Variants in ATP9B observed in about 807,000 individuals in gnomAD.
ATP9B encodes probable phospholipid-transporting ATPase IIB.
Under a neutral mutation model 146.1 loss-of-function variants are expected in ATP9B, and 110 were observed. The ratio of observed to expected loss-of-function variants is 0.75; its 90% CI spans 0.65 to 0.88. The LOEUF is 0.88. Ranked by LOEUF, ATP9B falls within the 40% of genes least tolerant of loss-of-function variation. The pLI is 0.00. For synonymous variants in ATP9B, 604 were observed against 569.7 expected (o/e 1.06, Z -0.86); for missense variants, 1,499 against 1,496.4 (o/e 1.00, Z -0.03).
At chr18:79,226,035 C>T (rs2095730610) in intron 11 of ATP9B, among the ~76,000 whole-genome samples, 1 of 152,226 alleles carries the variant, frequency 6.6e-6, no homozygotes, top group Admixed American at 6.5e-5. Flanking sequence ...CTCTCAGGCC[C>T]TTCAGCTTCC....
In ATP9B at chr18:79,373,974, A is replaced by G. The variant is rs1017658283; in HGVS notation, c.3147A>G (p.Ala1049=). The G allele has an allele frequency of 1.2e-6, 2 of 1,613,774 alleles. No individual in the cohort carries two copies. The highest frequency in any genetic ancestry group is 2.7e-5 in the African/African-American group (2 of 74,826). ...FVHVVAISFT[A]LILTELLMVA... Reference sequence around the variant, plus strand: ...ACGTGGTGGCCATCTCCTTCACCGCACTGATCCTGACCGAGCTGCTGATGG... The same window carrying G: ...ACGTGGTGGCCATCTCCTTCACCGCGCTGATCCTGACCGAGCTGCTGATGG... The change falls in exon 28 of 30, where the codon GCA becomes GCG. Residue 1049 remains alanine (A), a synonymous_variant. Coordinates refer to ENST00000426216, the MANE Select transcript of ATP9B (RefSeq NM_198531.5).
intron 9 of ATP9B, among the ~76,000 whole-genome samples, chr18:79,200,779 A>AGGCGGAGGTGGGAACTGTTGGGGTCAG (rs2095475928): frequency 3.5e-5 from 1 of 28,516 alleles, no homozygotes; most frequent in Non-Finnish European, 8.9e-5. Flanking sequence ...GTCAGAGCAG[A>AGGCGGAGGTGGGAACTGTTGGGGTCAG]AGTAGTGGTG....
At chr18:79,089,423 C>T (rs978639422) in intron 1 of ATP9B, among the ~76,000 whole-genome samples, 2 of 152,140 alleles carry the variant, frequency 1.3e-5, no homozygotes, top group Admixed American at 1.3e-4. Flanking sequence ...GTGTCCTGCT[C>T]CCCTTGGCCC....
chr18:79,230,453 C>T (rs994737285), intron 11 of ATP9B, among the ~76,000 whole-genome samples: 1 of 152,134 alleles, frequency 6.6e-6, no homozygotes, highest in African/African-American at 2.4e-5. Context: ...ATCACAAACT[C>T]AACCCCTTTT....
intron 11 of ATP9B, among the ~76,000 whole-genome samples, chr18:79,232,809 A>C (rs2095804541): frequency 6.6e-6 from 1 of 152,224 alleles, no homozygotes; most frequent in Non-Finnish European, 1.5e-5. Context: ...CAATGCGAGA[A>C]ACCAAAATGA....
intron 2 of ATP9B, among the ~76,000 whole-genome samples, chr18:79,101,907 A>G (rs1043165578): frequency 6.6e-6 from 1 of 152,110 alleles, no homozygotes. Flanking sequence ...TCTGTCAGAC[A>G]TGTAGTTGGA....
chr18:79,138,325 G>A (rs1599829783), intron 5 of ATP9B, among the ~76,000 whole-genome samples: 1 of 152,160 alleles, frequency 6.6e-6, no homozygotes, highest in African/African-American at 2.4e-5. Context: ...AAGTGACACA[G>A]TTTTACATGA....
intron 11 of ATP9B, among the ~76,000 whole-genome samples, chr18:79,228,815 A>G (rs1029946842): frequency 9.9e-5 from 15 of 152,176 alleles, no homozygotes; most frequent in Admixed American, 9.2e-4. Context: ...ACTTGAGGCA[A>G]GGAGTTTGAG....
At chr18:79,173,288 C>T (rs2095107905) in intron 7 of ATP9B, among the ~76,000 whole-genome samples, 1 of 152,114 alleles carries the variant, frequency 6.6e-6, no homozygotes, top group South Asian at 2.1e-4. Context: ...TTTGTCTTTT[C>T]ATCTTCTGCA....
At chr18:79,119,083 A>C (rs4799008) in intron 4 of ATP9B, among the ~76,000 whole-genome samples, 56,748 of 151,148 alleles carry the variant, frequency 0.38, 11,013 homozygotes, top group East Asian at 0.52. Flanking sequence ...AAAAAAAAAA[A>C]AAAAAATTGC....
At position 79,378,128 on chromosome 18, in the gene ATP9B, T is replaced by C. The variant is rs1217271976; in HGVS notation, c.*745T>C. On this transcript the variant is annotated 3_prime_UTR_variant, in exon 30 of 30. Coordinates refer to ENST00000426216, the MANE Select transcript of ATP9B (RefSeq NM_198531.5). ...TCATTCCTACTCAAATGTAATAAAATTGAGGCTCCACGGAGGCCCGTGTCC... is the reference window on the plus strand; with the variant it reads ...TCATTCCTACTCAAATGTAATAAAACTGAGGCTCCACGGAGGCCCGTGTCC... 1.3e-5 allele frequency: 2 copies of C among 152,260 alleles called. No individual in the cohort carries two copies. The highest frequency in any genetic ancestry group is 4.8e-5 in the African/African-American group (2 of 41,466). 9.4% of individuals were successfully genotyped at this position (152,260 alleles called of 1,614,324 possible).
intron 13 of ATP9B, among the ~76,000 whole-genome samples, chr18:79,291,031 C>G (rs1189150408): frequency 6.6e-6 from 1 of 152,206 alleles, no homozygotes; most frequent in Non-Finnish European, 1.5e-5. Flanking sequence ...AAACTGTCTA[C>G]TCGGCTCAGT....
chr18:79,118,690 G>A (rs975381483), intron 4 of ATP9B, among the ~76,000 whole-genome samples: 3 of 151,796 alleles, frequency 2.0e-5, no homozygotes, highest in East Asian at 1.9e-4. Context: ...GTGAGCCACC[G>A]TGCCCGGCCA....
At chr18:79,157,396 C>CAAAAAAAAAAAAAAA (rs147316668) in intron 7 of ATP9B, among the ~76,000 whole-genome samples, 4 of 48,586 alleles carry the variant, frequency 8.2e-5, no homozygotes, top group African/African-American at 3.0e-4. Context: ...AACTCCATCT[C>CAAAAAAAAAAAAAAA]AAAAAAAAAA....
intron 27 of ATP9B, 75 bp downstream of exon 27, chr18:79,372,957 C>G: frequency 9.4e-7 from 1 of 1,064,772 alleles, no homozygotes; most frequent in East Asian, 2.4e-5. Context: ...ATTGTTTTTA[C>G]TTGCAGATTA....
intron 15 of ATP9B, among the ~76,000 whole-genome samples, chr18:79,321,915 C>T (rs1215366959): frequency 6.6e-6 from 1 of 152,192 alleles, no homozygotes; most frequent in Non-Finnish European, 1.5e-5. Context: ...AAAATGTAAT[C>T]GTAACCTTTC....
intron 26 of ATP9B, among the ~76,000 whole-genome samples, chr18:79,371,774 G>A (rs1568859169): frequency 1.3e-5 from 2 of 152,196 alleles, no homozygotes; most frequent in African/African-American, 4.8e-5. Flanking sequence ...TTCCGTGAGG[G>A]TTTGTCTTTC....
chr18:79,292,254 A>G (rs763834559), intron 13 of ATP9B, among the ~76,000 whole-genome samples: 4 of 152,200 alleles, frequency 2.6e-5, no homozygotes, highest in Non-Finnish European at 5.9e-5. Flanking sequence ...CCACATTGTA[A>G]AGGAGAGCAA....
chr18:79,278,160 A>G lies in ATP9B; in HGVS notation c.1411+964A>G, dbSNP rs573058074. Among the ~76,000 whole-genome samples the G allele has an allele frequency of 7.9e-5, 12 of 152,356 alleles. No homozygotes were observed. The South Asian group carries it at 2.5e-3, about 32-fold the overall frequency. On this transcript the variant is annotated intron_variant, in intron 13 of 29. Transcript: ENST00000426216. Reference sequence around the variant, plus strand: ...ATACATAGTGGAGAACAGACCGAAGAGTAAAGCTCCATTCACAGCAGCTGC... The same window carrying G: ...ATACATAGTGGAGAACAGACCGAAGGGTAAAGCTCCATTCACAGCAGCTGC...
Sources: allele counts gnomAD v4.1 joint callset (sites outside exome capture counted in the v4.1 genomes callset), GRCh38; gene constraint gnomAD v4.1.1; transcripts MANE v1.5; gene names NCBI Gene and HGNC (gene_info 2026-07-23, HGNC 2026-07-21).